PDZRN3: variants seen among roughly 807,000 people sequenced by gnomAD.
The protein encoded by PDZRN3 is PDZ domain containing ring finger 3.
A neutral mutation model predicts 85.7 loss-of-function variants in PDZRN3; 38 were observed. That is an observed-to-expected ratio of 0.44 (90% CI 0.34 to 0.58). The LOEUF is 0.58. Ranked by LOEUF, PDZRN3 falls within the 20% of genes least tolerant of loss-of-function variation. PDZRN3 has a pLI of 0.01. For synonymous variants in PDZRN3, 759 were observed against 638.0 expected (o/e 1.19, Z -2.86); for missense variants, 1,629 against 1,506.4 (o/e 1.08, Z -1.35).
chr3:73,564,231 G>A (rs997341546), intron 3 of PDZRN3, among the ~76,000 whole-genome samples: 2 of 152,206 alleles, frequency 1.3e-5, no homozygotes, highest in African/African-American at 4.8e-5. Context: ...TGTGAAAAAT[G>A]TGTCTGATAA....
intron 3 of PDZRN3, among the ~76,000 whole-genome samples, chr3:73,447,194 C>T (rs914585644): frequency 6.6e-6 from 1 of 151,698 alleles, no homozygotes; most frequent in African/African-American, 2.4e-5. Context: ...AAACTTTGTG[C>T]CCCTTCTTCA....
chr3:73,550,883 G>T (rs571188607), intron 3 of PDZRN3, among the ~76,000 whole-genome samples: 1 of 152,248 alleles, frequency 6.6e-6, no homozygotes, highest in Non-Finnish European at 1.5e-5. Flanking sequence ...GCAATACTCT[G>T]AAGTGTCTCT....
chr3:73,605,394 T>C (rs924609205), intron 2 of PDZRN3, among the ~76,000 whole-genome samples: 2 of 152,128 alleles, frequency 1.3e-5, no homozygotes, highest in East Asian at 3.9e-4. Flanking sequence ...ATAGCAAGGG[T>C]ACCTAACGAT....
intron 3 of PDZRN3, among the ~76,000 whole-genome samples, chr3:73,545,897 G>A (rs1228907398): frequency 1.3e-5 from 2 of 152,132 alleles, no homozygotes; most frequent in Non-Finnish European, 2.9e-5. Flanking sequence ...TGGGAGGTGA[G>A]GGGGAGGATC....
intron 3 of PDZRN3, among the ~76,000 whole-genome samples, chr3:73,405,792 A>C (rs765208174): frequency 3.9e-5 from 6 of 152,208 alleles, no homozygotes; most frequent in Non-Finnish European, 7.3e-5. Flanking sequence ...AGTATCTTGG[A>C]CTTCAAAGCA....
At chr3:73,554,534 C>T (rs1010026243) in intron 3 of PDZRN3, among the ~76,000 whole-genome samples, 4 of 152,120 alleles carry the variant, frequency 2.6e-5, no homozygotes, top group African/African-American at 9.7e-5. Context: ...AAATCAGAAA[C>T]AAACCATAAT....
chr3:73,525,460 T>C (rs1475098086), intron 3 of PDZRN3, among the ~76,000 whole-genome samples: 2 of 152,172 alleles, frequency 1.3e-5, no homozygotes, highest in Non-Finnish European at 2.9e-5. Context: ...AGAGGATTTG[T>C]GAAATGTGGC....
chr3:73,502,342 T>C (rs1238552351), intron 3 of PDZRN3, among the ~76,000 whole-genome samples: 1 of 152,160 alleles, frequency 6.6e-6, no homozygotes, highest in Non-Finnish European at 1.5e-5. Flanking sequence ...AAATGATAGG[T>C]TTTTATTTTA....
At chr3:73,620,010 A>AGTAG (rs1702829798) in intron 1 of PDZRN3, among the ~76,000 whole-genome samples, 1 of 152,184 alleles carries the variant, frequency 6.6e-6, no homozygotes, top group Non-Finnish European at 1.5e-5. Flanking sequence ...ACTAGCCTCT[A>AGTAG]GTAGGTAGGT....
chr3:73,386,638 T>C (rs1260103915), intron 8 of PDZRN3, among the ~76,000 whole-genome samples: 1 of 152,280 alleles, frequency 6.6e-6, no homozygotes, highest in Non-Finnish European at 1.5e-5. Context: ...AACACAGCCA[T>C]GCTCATTCGC....
Position 73,473,884 on chromosome 3 carries a change from G to A in PDZRN3, c.919-69489C>T, listed in dbSNP as rs551506411. On this transcript the variant is annotated intron_variant, in intron 3 of 9. Coordinates refer to ENST00000263666, the MANE Select transcript of PDZRN3 (RefSeq NM_015009.3). Reference sequence around the variant, plus strand: ...GAGAGACCCTGAAACAGAACCACTCGGGTGAGCCACTCCTGGGTGTCTGAC... The same window carrying A: ...GAGAGACCCTGAAACAGAACCACTCAGGTGAGCCACTCCTGGGTGTCTGAC... Among the ~76,000 whole-genome samples the A allele has an allele frequency of 2.3e-4, 35 of 152,268 alleles. 2 individuals are homozygous for A. In the South Asian group the frequency reaches 6.8e-3, roughly 30 times the overall value.
At chr3:73,542,484 C>T (rs1388129142) in intron 3 of PDZRN3, among the ~76,000 whole-genome samples, 1 of 152,144 alleles carries the variant, frequency 6.6e-6, no homozygotes, top group African/African-American at 2.4e-5. Context: ...TTTTAAGACT[C>T]TCTTGCTGGC....
chr3:73,536,319 C>T (rs754226964), intron 3 of PDZRN3, among the ~76,000 whole-genome samples: 3 of 152,216 alleles, frequency 2.0e-5, no homozygotes, highest in Non-Finnish European at 4.4e-5. Context: ...TCCTTGTAGC[C>T]TGCCTGCAAG....
At chr3:73,463,211 C>G (rs1336223165) in intron 3 of PDZRN3, among the ~76,000 whole-genome samples, 1 of 152,212 alleles carries the variant, frequency 6.6e-6, no homozygotes, top group Non-Finnish European at 1.5e-5. Flanking sequence ...CCCATCCTTA[C>G]TTGGTCAGAC....
chr3:73,383,558 A>G lies in PDZRN3; in HGVS notation c.3008T>C (p.Leu1003Pro), dbSNP rs1559644260. ...GTCATCGGCTGCTTGCTGCTCCTTG[A>G]GACAATCCAACCTGCTCTGCATCAT... ...EFMMQSRLDCLKEQQAADDRK... is the reference protein window; with the variant it reads ...EFMMQSRLDCPKEQQAADDRK... The change falls in exon 10 of 10, where the codon CTC (leucine) becomes CCC (proline). Residue 1003 changes from leucine (L) to proline (P), a missense_variant. Leu to Pro is a moderately conservative substitution (Grantham distance 98). Coordinates refer to ENST00000263666, the MANE Select transcript of PDZRN3 (RefSeq NM_015009.3). 1 of 1,614,042 alleles carries G rather than the reference A, an allele frequency of 6.2e-7. No homozygotes were observed. The highest frequency in any genetic ancestry group is 2.2e-5 in the East Asian group (1 of 44,868).
chr3:73,606,370 C>T (rs1408493817), intron 2 of PDZRN3, among the ~76,000 whole-genome samples: 1 of 152,260 alleles, frequency 6.6e-6, no homozygotes, highest in East Asian at 1.9e-4. Context: ...ATGTTCTGAA[C>T]CACGGGCTCA....
intron 3 of PDZRN3, among the ~76,000 whole-genome samples, chr3:73,590,268 CA>C (rs10685167): frequency 1.6e-3 from 156 of 97,474 alleles, no homozygotes; most frequent in African/African-American, 4.9e-3. Flanking sequence ...GACTCTGTCT[CA>C]AAAAAAAAAA....
intron 3 of PDZRN3, among the ~76,000 whole-genome samples, chr3:73,529,229 G>T (rs1704597582): frequency 6.6e-6 from 1 of 152,228 alleles, no homozygotes; most frequent in South Asian, 2.1e-4. Flanking sequence ...TCAAGAGCTT[G>T]GTGGTCTAGC....
intron 3 of PDZRN3, among the ~76,000 whole-genome samples, chr3:73,578,162 CTTTTT>C (rs61521063): frequency 8.7e-6 from 1 of 115,334 alleles, no homozygotes. Flanking sequence ...TTTGACCATT[CTTTTT>C]TTTTTTTTTT....
Sources: gnomAD v4.1 joint callset for allele counts (sites outside exome capture counted in the v4.1 genomes callset) on GRCh38, gnomAD v4.1.1 for gene constraint, MANE v1.5 for transcripts, NCBI Gene and HGNC (gene_info 2026-07-23, HGNC 2026-07-21) for gene names.